The following CCDC171 variants were observed in gnomAD, a reference collection of about 807,000 sequenced individuals.
CCDC171 encodes the protein coiled-coil domain-containing protein 171.
In CCDC171, 177 loss-of-function variants were observed where a neutral mutation model predicts 168.2. The ratio of observed to expected loss-of-function variants is 1.05; its 90% CI spans 0.93 to 1.19. CCDC171 has a LOEUF of 1.19. CCDC171 is among the 50% of genes most tolerant of loss of function. The probability of loss-of-function intolerance (pLI) is 0.00; values close to 1 mark genes in which losing one functional copy is unlikely to be tolerated. For missense variants in CCDC171, 1,991 were observed against 1,539.0 expected, an observed-to-expected ratio of 1.29 and a Z score of -4.91; for synonymous variants, 687 against 540.8, an observed-to-expected ratio of 1.27 and a Z score of -3.75.
At chr9:15,809,491 C>T (rs374416097) in intron 21 of CCDC171, among the ~76,000 whole-genome samples, 1 of 152,128 alleles carries the variant, frequency 6.6e-6, no homozygotes, top group East Asian at 1.9e-4. Context: ...TTTATTCCTT[C>T]TGATGTTTGG....
At chr9:15,753,925 C>G (rs900559271) in intron 18 of CCDC171, among the ~76,000 whole-genome samples, 2 of 152,146 alleles carry the variant, frequency 1.3e-5, no homozygotes, top group African/African-American at 4.8e-5. Context: ...TGGACCCTCT[C>G]TGGATATAAC....
chr9:15,571,598 C>T (rs2040226554), intron 2 of CCDC171, 26 bp from the exon 3 acceptor site: 1 of 1,497,496 alleles, frequency 6.7e-7, no homozygotes, highest in South Asian at 1.3e-5. Context: ...GAAGCATATA[C>T]ATTTTACTGT....
At chr9:15,738,236 G>A (rs967695725) in intron 16 of CCDC171, among the ~76,000 whole-genome samples, 2 of 152,138 alleles carry the variant, frequency 1.3e-5, no homozygotes, top group Non-Finnish European at 2.9e-5. Context: ...ACAGAGTGCT[G>A]TAAGCCAGTA....
intron 21 of CCDC171, among the ~76,000 whole-genome samples, chr9:15,829,971 T>C (rs181659871): frequency 6.6e-6 from 1 of 152,260 alleles, no homozygotes; most frequent in Admixed American, 6.5e-5. Context: ...AATTATGGCA[T>C]AATAGTAGGC....
chr9:15,969,181 A>G (rs916077133), intron 25 of CCDC171, among the ~76,000 whole-genome samples: 3 of 152,216 alleles, frequency 2.0e-5, no homozygotes, highest in African/African-American at 7.2e-5. Context: ...CAAAAATATT[A>G]TATTGGATGA....
intron 24 of CCDC171, among the ~76,000 whole-genome samples, chr9:15,908,444 G>A (rs1396354410): frequency 7.5e-6 from 1 of 134,158 alleles, no homozygotes; most frequent in Non-Finnish European, 1.5e-5. Context: ...TCATAGGTGG[G>A]AATTGAACAA....
intron 22 of CCDC171, among the ~76,000 whole-genome samples, chr9:15,848,146 A>G (rs1003158502): frequency 2.0e-5 from 3 of 151,966 alleles, no homozygotes; most frequent in Non-Finnish European, 4.4e-5. Flanking sequence ...TTTTCAAAAC[A>G]TTGCTGTTAA....
intron 4 of CCDC171, among the ~76,000 whole-genome samples, chr9:15,584,585 C>T (rs183585947): frequency 1.3e-5 from 2 of 152,290 alleles, no homozygotes; most frequent in Admixed American, 1.3e-4. Context: ...ATGAGGGCCC[C>T]ATGACCTACT....
At chr9:15,816,501 G>A (rs540914351) in intron 21 of CCDC171, among the ~76,000 whole-genome samples, 1 of 117,990 alleles carries the variant, frequency 8.5e-6, no homozygotes, top group South Asian at 2.7e-4. Context: ...TTATATTTTC[G>A]AAGAATAATT....
the CCDC171 span, among the ~76,000 whole-genome samples, chr9:16,098,347 A>G: frequency 2.0e-5 from 3 of 152,148 alleles, no homozygotes; most frequent in Non-Finnish European, 4.4e-5. Context: ...CATCACCATC[A>G]TTGTTGTCGT....
chr9:15,988,884 G>A (rs534549968), intron 3 of CCDC171, among the ~76,000 whole-genome samples: 37 of 152,286 alleles, frequency 2.4e-4, no homozygotes, highest in African/African-American at 8.7e-4. Context: ...CTGGGGGAGG[G>A]GTGCCTGCCA....
intron 8 of CCDC171, among the ~76,000 whole-genome samples, chr9:15,663,263 C>A (rs761619938): frequency 6.6e-6 from 1 of 152,208 alleles, no homozygotes; most frequent in Admixed American, 6.5e-5. Context: ...GGTTCTAAAG[C>A]CCATTTTCTG....
At chr9:15,896,955 A>AT (rs1163269872) in intron 24 of CCDC171, among the ~76,000 whole-genome samples, 3 of 152,000 alleles carry the variant, frequency 2.0e-5, no homozygotes, top group African/African-American at 7.2e-5. Flanking sequence ...AAGAAAGGTC[A>AT]TTTTTTTCTG....
At chr9:15,816,306 T>A in intron 21 of CCDC171, among the ~76,000 whole-genome samples, 1 of 117,826 alleles carries the variant, frequency 8.5e-6, no homozygotes, top group East Asian at 2.1e-4. Context: ...ATTATATTAG[T>A]TTTTTAAATT....
intron 25 of CCDC171, among the ~76,000 whole-genome samples, chr9:15,930,752 G>T (rs1424935210): frequency 1.3e-5 from 2 of 151,506 alleles, no homozygotes; most frequent in African/African-American, 2.4e-5. Flanking sequence ...ACTATATACA[G>T]AAATTAACTA....
At chr9:15,616,797 CTT>C (rs1215485861) in intron 6 of CCDC171, among the ~76,000 whole-genome samples, 1 of 152,096 alleles carries the variant, frequency 6.6e-6, no homozygotes, top group Non-Finnish European at 1.5e-5. Context: ...TGAAAGTACT[CTT>C]ATGAAAAAAT....
the CCDC171 span, among the ~76,000 whole-genome samples, chr9:16,079,052 T>C: frequency 6.6e-6 from 1 of 152,224 alleles, no homozygotes; most frequent in African/African-American, 2.4e-5. Context: ...TGCTCTAACC[T>C]ATAAGGCCAA....
At chr9:16,012,059 G>T (rs1422189672) in intron 3 of CCDC171, among the ~76,000 whole-genome samples, 2 of 152,154 alleles carry the variant, frequency 1.3e-5, no homozygotes, top group Non-Finnish European at 2.9e-5. Context: ...CTTGTGGACT[G>T]ATCTGCAAAT....
intron 10 of CCDC171, among the ~76,000 whole-genome samples, chr9:15,686,830 T>C (rs567086311): frequency 6.6e-6 from 1 of 152,276 alleles, no homozygotes; most frequent in South Asian, 2.1e-4. Flanking sequence ...AGTACCCCAC[T>C]TGCAGTAATG....
Sources: allele counts gnomAD v4.1 joint callset (sites outside exome capture counted in the v4.1 genomes callset), GRCh38; gene constraint gnomAD v4.1.1; transcripts MANE v1.5; gene names NCBI Gene and HGNC (gene_info 2026-07-23, HGNC 2026-07-21).